ANKRD11: variants seen among roughly 807,000 people sequenced by gnomAD.
ANKRD11 encodes the protein ankyrin repeat domain 11.
Under a neutral mutation model 195.7 loss-of-function variants are expected in ANKRD11, and 17 were observed. The ratio of observed to expected loss-of-function variants is 0.09; its 90% CI spans 0.06 to 0.13. The LOEUF is 0.13. ANKRD11 is among the 10% of genes least tolerant of loss of function. The pLI is 1.00. For missense variants in ANKRD11, 3,735 were observed against 3,566.1 expected (o/e 1.05, Z -1.21); for synonymous variants, 1,953 against 1,528.1 (o/e 1.28, Z -6.49).
chr16:89,423,293 C>G (rs547947501), intron 1 of ANKRD11, among the ~76,000 whole-genome samples: 3 of 152,380 alleles, frequency 2.0e-5, no homozygotes, highest in African/African-American at 7.2e-5. Context: ...AGGGGAGCCA[C>G]TGACGATGGG....
At chr16:89,358,593 C>G (rs1452905093) in intron 2 of ANKRD11, among the ~76,000 whole-genome samples, 1 of 152,172 alleles carries the variant, frequency 6.6e-6, no homozygotes, top group African/African-American at 2.4e-5. Flanking sequence ...TATGTACTCA[C>G]AAAAACTTTA....
intron 2 of ANKRD11, chr16:89,370,858 C>G (rs1455576383): frequency 6.6e-6 from 1 of 152,422 alleles, no homozygotes; most frequent in Non-Finnish European, 1.5e-5. Context: ...ACAGCAGCCT[C>G]TCAAAAGGCC....
chr16:89,426,260 G>A (rs541565059), intron 1 of ANKRD11, among the ~76,000 whole-genome samples: 5 of 152,274 alleles, frequency 3.3e-5, no homozygotes, highest in East Asian at 3.9e-4. Context: ...AAAATTAGAG[G>A]AGGACAAAGG....
intron 2 of ANKRD11, among the ~76,000 whole-genome samples, chr16:89,399,417 C>T (rs1369352401): frequency 6.6e-6 from 1 of 152,174 alleles, no homozygotes; most frequent in African/African-American, 2.4e-5. Context: ...CCAAGGACTA[C>T]ACGCTGTACG....
intron 1 of ANKRD11, among the ~76,000 whole-genome samples, chr16:89,446,001 TA>T (rs756294025): frequency 3.7e-3 from 447 of 121,430 alleles, no homozygotes; most frequent in East Asian, 0.022. Flanking sequence ...AATTTTTTGT[TA>T]AAAAAAAAAA....
In ANKRD11 at chr16:89,313,693, C is replaced by T. The variant is rs150638762; in HGVS notation, c.87+3240G>A. ...CATTTCAGCCTGTACCAGGAGAAGG[C>T]AGGTCAGATGTGTGCACCTGAGTTC... On this transcript the variant is annotated intron_variant, in intron 3 of 12. Coordinates refer to ENST00000301030, the MANE Select transcript of ANKRD11 (RefSeq NM_013275.6). The T allele has an allele frequency of 1.5e-5, 15 of 1,015,642 alleles. No individual in the cohort carries two copies. In the South Asian group the frequency reaches 1.5e-4, roughly 10 times the overall value. The allele number at this position is 1,015,642 out of a possible 1,614,324, so 62.9% of individuals were successfully genotyped here.
intron 4 of ANKRD11, chr16:89,301,472 G>A (rs1224402861): frequency 7.5e-6 from 3 of 398,142 alleles, no homozygotes; most frequent in African/African-American, 2.1e-5. Flanking sequence ...GGCAGGCAGA[G>A]CAGGGCAGGC....
chr16:89,274,047 G>A (rs909364214), intron 11 of ANKRD11, among the ~76,000 whole-genome samples: 63 of 152,320 alleles, frequency 4.1e-4, no homozygotes, highest in African/African-American at 1.3e-3. Flanking sequence ...TGATGCAGGC[G>A]AGGCAACGGG....
chr16:89,435,970 G>C (rs548813476), intron 1 of ANKRD11, among the ~76,000 whole-genome samples: 2 of 152,324 alleles, frequency 1.3e-5, no homozygotes, highest in South Asian at 2.1e-4. Context: ...TCCTGGAGCT[G>C]TGCTGAGCAC....
intron 1 of ANKRD11, among the ~76,000 whole-genome samples, 167 bp downstream of exon 1, chr16:89,490,078 T>C (rs1407978679): frequency 1.0e-4 from 11 of 106,672 alleles, no homozygotes; most frequent in African/African-American, 4.0e-4. Context: ...TCCCTCACGA[T>C]CGCCCCGGGC....
intron 2 of ANKRD11, among the ~76,000 whole-genome samples, chr16:89,334,736 C>A (rs992722488): frequency 1.3e-5 from 2 of 152,168 alleles, no homozygotes; most frequent in Non-Finnish European, 2.9e-5. Context: ...CCACGTCATA[C>A]CACACTCACT....
At chr16:89,467,268 C>A (rs2056917006) in intron 1 of ANKRD11, among the ~76,000 whole-genome samples, 1 of 146,736 alleles carries the variant, frequency 6.8e-6, no homozygotes, top group Non-Finnish European at 1.5e-5. Flanking sequence ...CCCATCTCTA[C>A]AAAAAAAAAA....
intron 1 of ANKRD11, among the ~76,000 whole-genome samples, chr16:89,483,171 G>A (rs2152376756): frequency 6.6e-6 from 1 of 152,216 alleles, no homozygotes; most frequent in Non-Finnish European, 1.5e-5. Flanking sequence ...ATATATTTAT[G>A]GGCTTAGAAG....
chr16:89,442,660 C>T (rs1336179477), intron 1 of ANKRD11, among the ~76,000 whole-genome samples: 1 of 152,226 alleles, frequency 6.6e-6, no homozygotes, highest in Non-Finnish European at 1.5e-5. Flanking sequence ...CTGTGTCCCA[C>T]AAAGGCCAGG....
At chr16:89,444,419 C>A (rs1194027119) in intron 1 of ANKRD11, among the ~76,000 whole-genome samples, 1 of 151,902 alleles carries the variant, frequency 6.6e-6, no homozygotes, top group East Asian at 1.9e-4. Context: ...TCTTTGGGCT[C>A]CAGAAAGCAC....
chr16:89,291,898 G>A lies in ANKRD11; in HGVS notation c.227-715C>T. ...CTGACCCGTTACAGAACACTCGGCTGGCGTCTAACGCAACTCACGTGCTGT... is the reference window on the plus strand; with the variant it reads ...CTGACCCGTTACAGAACACTCGGCTAGCGTCTAACGCAACTCACGTGCTGT... On this transcript the variant is annotated intron_variant, in intron 4 of 12. Transcript: ENST00000301030. This position sits in a 1 kb window ranked among gnomAD's most constrained non-coding sequence, Gnocchi z 5.3. 4 of 608,398 alleles carry A rather than the reference G, an allele frequency of 6.6e-6. No homozygotes were observed. The highest frequency in any genetic ancestry group is 8.0e-6 in the Non-Finnish European group (3 of 372,804). 37.7% of individuals were successfully genotyped at this position (608,398 alleles called of 1,614,324 possible).
chr16:89,284,854 C>T lies in ANKRD11; in HGVS notation c.1688G>A (p.Ser563Asn). 1 of 1,614,044 alleles carries T rather than the reference C, an allele frequency of 6.2e-7. No homozygotes were observed. Among genetic ancestry groups the T allele is most frequent in the South Asian group, 1.1e-5 (1 of 91,084 alleles). The change falls in exon 9 of 13, where the codon AGT becomes AAT. Residue 563 changes from serine to asparagine, a missense_variant. Coordinates refer to ENST00000301030, the MANE Select transcript of ANKRD11 (RefSeq NM_013275.6). Reference protein sequence around the residue: ...TISSPAWSEVSSLSDSTRTRL... With the variant: ...TISSPAWSEVNSLSDSTRTRL... ...CGTCCTTGTGGAGTCTGATAAAGAA[C>T]TGACCTCTGACCAAGCCGGGGAAGA...
In ANKRD11 at chr16:89,305,311, T is replaced by G. The variant is rs758146126; in HGVS notation, c.121A>C (p.Lys41Gln). 3.7e-6 allele frequency: 6 copies of G among 1,613,958 alleles called. No individual in the cohort carries two copies. In the East Asian group the frequency reaches 1.3e-4, roughly 36 times the overall value. The change falls in exon 4 of 13, where the codon AAA (lysine) becomes CAA (glutamine). Residue 41 changes from lysine to glutamine, a missense_variant. Physicochemically the swap from Lys to Gln is moderately conservative, Grantham distance 53. Coordinates refer to ENST00000301030, the MANE Select transcript of ANKRD11 (RefSeq NM_013275.6). The stretch of plus-strand genomic sequence containing the variant: ...TTCCCGCCATCGCCACGCTCCAGTT[T>G]TGGGGTCTTGGTTAGAGAAACTTTA... ...KDKVSLTKTP[K>Q]LERGDGGKEV...
intron 2 of ANKRD11, chr16:89,324,646 C>T (rs1416808465): frequency 7.8e-6 from 3 of 383,132 alleles, no homozygotes; most frequent in Non-Finnish European, 1.6e-5. Flanking sequence ...GTCTTCCAGC[C>T]TCCATCTTTC....
Sources: allele counts gnomAD v4.1 joint callset (sites outside exome capture counted in the v4.1 genomes callset), GRCh38; gene constraint gnomAD v4.1.1; non-coding constraint Gnocchi (gnomAD v3.1); transcripts MANE v1.5; gene names NCBI Gene and HGNC (gene_info 2026-07-23, HGNC 2026-07-21).